The following EYS variants were observed in gnomAD, a reference collection of about 807,000 sequenced individuals.
The protein encoded by EYS is EGF-like photoreceptor maintenance factor, also known as protein eyes shut homolog.
In EYS, 250 loss-of-function variants were observed where a neutral mutation model predicts 282.1. The observed-to-expected ratio is 0.89, with a 90% CI of 0.80 to 0.98. EYS has a LOEUF of 0.98. Among genes scored for constraint, EYS ranks in the 50% least tolerant of loss-of-function variants. The pLI is 0.00. For missense variants in EYS, 4,016 were observed against 3,709.0 expected (o/e 1.08, Z -2.15); for synonymous variants, 1,355 against 1,282.9 (o/e 1.06, Z -1.20).
chr6:64,418,369 C>T (rs953535237), intron 28 of EYS, among the ~76,000 whole-genome samples: 9 of 152,058 alleles, frequency 5.9e-5, no homozygotes, highest in South Asian at 2.1e-4. Context: ...TTCTAATAAC[C>T]AGTTCTATGC....
intron 14 of EYS, among the ~76,000 whole-genome samples, chr6:64,984,511 T>C (rs918241808): frequency 1.3e-5 from 2 of 151,450 alleles, no homozygotes; most frequent in Non-Finnish European, 3.0e-5. Context: ...GATTTTTAAA[T>C]GTTATTAAAT....
chr6:64,068,504 ATGT>A (rs1228060862), intron 32 of EYS, among the ~76,000 whole-genome samples: 2 of 107,690 alleles, frequency 1.9e-5, no homozygotes, highest in Non-Finnish European at 3.6e-5. Context: ...TCATGTTTAA[ATGT>A]TGTGGGGTGG....
At chr6:65,300,596 T>C (rs1387676803) in intron 11 of EYS, among the ~76,000 whole-genome samples, 2 of 152,188 alleles carry the variant, frequency 1.3e-5, no homozygotes, top group East Asian at 3.9e-4. Flanking sequence ...TACATGGTTA[T>C]GCTTGGCTCT....
rs959815450 is a variant in EYS at position 65,694,848 on chromosome 6, C to T, written c.-448+12287G>A. ...ACAAAGGAAAAATGTTCATTTTCTT[C>T]CTTCAAAGTGTTTAATAATCTCAAG... On this transcript the variant is annotated intron_variant, in intron 1 of 42. Coordinates refer to ENST00000503581, the MANE Select transcript of EYS (RefSeq NM_001142800.2). Among the ~76,000 whole-genome samples, 12 of 151,718 alleles carry T rather than the reference C, an allele frequency of 7.9e-5. No individual in the cohort carries two copies. The East Asian group carries it at 2.3e-3, about 30-fold the overall frequency.
rs1562186625 is a variant in EYS at position 65,443,413 on chromosome 6, G to GA, written c.863-38047_863-38046insT. On this transcript the variant is annotated intron_variant, in intron 5 of 42. Coordinates refer to ENST00000503581, the MANE Select transcript of EYS (RefSeq NM_001142800.2). ...ATGCATACATGTATGTACACATATAGCCATATATGTACATATATGTACACA... is the reference window on the plus strand; with the variant it reads ...ATGCATACATGTATGTACACATATAGACCATATATGTACATATATGTACACA... Among the ~76,000 whole-genome samples the GA allele has an allele frequency of 6.6e-5, 9 of 135,596 alleles. 1 individual carries two copies. Among genetic ancestry groups the GA allele is most frequent in the Admixed American group, 3.9e-4 (5 of 12,830 alleles). 89.0% of individuals were successfully genotyped at this position (135,596 alleles called of 152,430 possible). A position where few individuals can be genotyped will look rare whatever the true frequency, so the allele number is the denominator to read the frequency against.
chr6:64,041,166 G>GCTGTCTTT (rs1770371265), intron 33 of EYS, among the ~76,000 whole-genome samples: 2 of 152,022 alleles, frequency 1.3e-5, no homozygotes, highest in Non-Finnish European at 2.9e-5. Flanking sequence ...GATAGACTCT[G>GCTGTCTTT]CTGATTCTGA....
chr6:64,674,729 A>AC (rs1769590562), intron 22 of EYS, among the ~76,000 whole-genome samples: 2 of 148,120 alleles, frequency 1.4e-5, no homozygotes, highest in African/African-American at 2.5e-5. Context: ...TTCTGTCATT[A>AC]ACACACACAC....
At chr6:65,093,362 GA>G (rs1337835353) in intron 12 of EYS, among the ~76,000 whole-genome samples, 1 of 151,820 alleles carries the variant, frequency 6.6e-6, no homozygotes, top group South Asian at 2.1e-4. Context: ...TAAATACATA[GA>G]AAAAACAAGA....
chr6:64,388,918 C>A, intron 28 of EYS, 78 bp from the exon 29 acceptor site: 2 of 925,558 alleles, frequency 2.2e-6, no homozygotes, highest in South Asian at 2.8e-5. Flanking sequence ...AAACTATTAT[C>A]AAAAGAATAA....
At chr6:64,333,123 T>A (rs1311446371) in intron 29 of EYS, among the ~76,000 whole-genome samples, 1 of 152,080 alleles carries the variant, frequency 6.6e-6, no homozygotes, top group Admixed American at 6.5e-5. Context: ...ATAACCAGAC[T>A]AGTTACTCAG....
chr6:65,361,582 C>G (rs9453273), intron 8 of EYS, among the ~76,000 whole-genome samples: 102,050 of 151,462 alleles, frequency 0.67, 34,473 homozygotes, highest in South Asian at 0.71. Context: ...CTCCTGGGCT[C>G]AAGTCATCTG....
chr6:63,853,237 T>C (rs1416684073), intron 36 of EYS, among the ~76,000 whole-genome samples: 1 of 152,122 alleles, frequency 6.6e-6, no homozygotes, highest in African/African-American at 2.4e-5. Context: ...GAAAACCCCA[T>C]CGTCTCAGTC....
In EYS at chr6:65,517,948, G is replaced by C. The variant is rs117606503; in HGVS notation, c.-332-21955C>G. 7.0e-4 allele frequency among the ~76,000 whole-genome samples: 106 copies of C among 151,986 alleles called. No individual in the cohort carries two copies. The East Asian group carries it at 0.016, about 22-fold the overall frequency. Reference sequence around the variant, plus strand: ...CTGCACTCAACAATCTTGATGTTTAGATAGAAAAAATAAACAAAAAGCTAA... The same window carrying C: ...CTGCACTCAACAATCTTGATGTTTACATAGAAAAAATAAACAAAAAGCTAA... On this transcript the variant is annotated intron_variant, in intron 2 of 42. Coordinates refer to ENST00000503581, the MANE Select transcript of EYS (RefSeq NM_001142800.2).
chr6:64,334,029 G>A (rs531264309), intron 29 of EYS, among the ~76,000 whole-genome samples: 33 of 152,138 alleles, frequency 2.2e-4, no homozygotes, highest in Non-Finnish European at 2.1e-4. Context: ...ATACTGTATC[G>A]CCTGACAAGG....
chr6:64,178,060 G>GT (rs1385097202), intron 31 of EYS, among the ~76,000 whole-genome samples: 1 of 151,930 alleles, frequency 6.6e-6, no homozygotes, highest in Non-Finnish European at 1.5e-5. Context: ...CCCTAGGTTT[G>GT]TTTTTTTCTT....
intron 22 of EYS, among the ~76,000 whole-genome samples, chr6:64,726,415 T>C (rs188107549): frequency 1.1e-3 from 169 of 152,264 alleles, no homozygotes; most frequent in African/African-American, 3.9e-3. Context: ...AATTCTCTAA[T>C]CTTTTAAATA....
intron 34 of EYS, among the ~76,000 whole-genome samples, chr6:63,991,312 C>T (rs1384729713): frequency 1.3e-5 from 2 of 151,398 alleles, no homozygotes; most frequent in South Asian, 2.1e-4. Flanking sequence ...GATTCCACCA[C>T]AAAGTTAGAA....
intron 12 of EYS, among the ~76,000 whole-genome samples, chr6:65,220,373 G>A (rs2150258658): frequency 6.6e-6 from 1 of 152,176 alleles, no homozygotes; most frequent in East Asian, 1.9e-4. Flanking sequence ...GAACCCAGTG[G>A]GTGGTAATTG....
intron 33 of EYS, among the ~76,000 whole-genome samples, chr6:64,028,271 C>T (rs1484004904): frequency 6.6e-6 from 1 of 152,158 alleles, no homozygotes; most frequent in Non-Finnish European, 1.5e-5. Flanking sequence ...TAAAAGATCC[C>T]ACCACTTTTC....
Sources: gnomAD v4.1 joint callset for allele counts (sites outside exome capture counted in the v4.1 genomes callset) on GRCh38, gnomAD v4.1.1 for gene constraint, MANE v1.5 for transcripts, NCBI Gene and HGNC (gene_info 2026-07-23, HGNC 2026-07-21) for gene names.